The following CNGB3 variants were observed in gnomAD, a reference collection of about 807,000 sequenced individuals.
CNGB3 encodes cyclic nucleotide-gated channel beta-3.
Under a neutral mutation model 92.8 loss-of-function variants are expected in CNGB3, and 86 were observed. The ratio of observed to expected loss-of-function variants is 0.93; its 90% CI spans 0.78 to 1.11. CNGB3 has a LOEUF of 1.11. Ranked by LOEUF, CNGB3 falls within the 50% of genes least tolerant of loss-of-function variation. The probability of loss-of-function intolerance (pLI) is 0.00; values close to 1 mark genes in which losing one functional copy is unlikely to be tolerated. For synonymous variants in CNGB3, 333 were observed against 332.7 expected (o/e 1.00, Z -0.01); for missense variants, 1,026 against 956.8 (o/e 1.07, Z -0.95).
At chr8:86,634,072 G>A (rs1289257353) in intron 10 of CNGB3, among the ~76,000 whole-genome samples, 1 of 152,040 alleles carries the variant, frequency 6.6e-6, no homozygotes, top group East Asian at 1.9e-4. Context: ...GATAGGAACA[G>A]GATGAGAAAA....
intron 2 of CNGB3, among the ~76,000 whole-genome samples, chr8:86,731,926 T>C (rs1044398775): frequency 2.6e-5 from 4 of 152,192 alleles, no homozygotes; most frequent in Non-Finnish European, 5.9e-5. Context: ...AACTTCCATT[T>C]ACTTAACAGA....
intron 4 of CNGB3, among the ~76,000 whole-genome samples, chr8:86,668,470 G>A (rs1406867314): frequency 6.6e-6 from 1 of 151,970 alleles, no homozygotes; most frequent in East Asian, 1.9e-4. Flanking sequence ...ATGTATCCCA[G>A]AACTTAAAGT....
At chr8:86,677,199 T>A (rs1415770722) in intron 3 of CNGB3, among the ~76,000 whole-genome samples, 1 of 152,188 alleles carries the variant, frequency 6.6e-6, no homozygotes, top group Non-Finnish European at 1.5e-5. Context: ...CCTCCAGAAC[T>A]GCGAGAAAAT....
intron 13 of CNGB3, among the ~76,000 whole-genome samples, chr8:86,618,616 C>T (rs1306178329): frequency 1.3e-5 from 2 of 152,136 alleles, no homozygotes; most frequent in African/African-American, 4.8e-5. Flanking sequence ...AGGTCAACTG[C>T]TGAGGATGTA....
chr8:86,662,281 G>T (rs1448662139), intron 6 of CNGB3, among the ~76,000 whole-genome samples: 1 of 152,180 alleles, frequency 6.6e-6, no homozygotes, highest in East Asian at 1.9e-4. Flanking sequence ...ATTATTCAAA[G>T]AAATAAAATC....
chr8:86,702,591 G>C (rs1361413039), intron 3 of CNGB3, among the ~76,000 whole-genome samples: 1 of 152,062 alleles, frequency 6.6e-6, no homozygotes, highest in Non-Finnish European at 1.5e-5. Context: ...ATTAACATTT[G>C]AGAATGTTTA....
intron 9 of CNGB3, among the ~76,000 whole-genome samples, chr8:86,644,174 G>T (rs2131594589): frequency 6.6e-6 from 1 of 151,378 alleles, no homozygotes; most frequent in Non-Finnish European, 1.5e-5. Context: ...TTCAGTTTAA[G>T]TCCCATAAAA....
chr8:86,658,460 G>T, intron 6 of CNGB3: 1 of 409,588 alleles, frequency 2.4e-6, no homozygotes, highest in Non-Finnish European at 4.6e-6. Flanking sequence ...GCAACCCTTG[G>T]CAGGCCATCT....
intron 13 of CNGB3, among the ~76,000 whole-genome samples, chr8:86,619,145 G>T (rs1822675231): frequency 6.6e-6 from 1 of 152,150 alleles, no homozygotes; most frequent in African/African-American, 2.4e-5. Context: ...TACTGAACTG[G>T]GGGCTGTTTC....
chr8:86,733,830 C>T (rs1260890747), intron 2 of CNGB3, among the ~76,000 whole-genome samples: 1 of 152,158 alleles, frequency 6.6e-6, no homozygotes, highest in Admixed American at 6.5e-5. Context: ...TAAACATCCA[C>T]TACCTTTTCT....
intron 3 of CNGB3, among the ~76,000 whole-genome samples, chr8:86,706,438 G>A (rs748431510): frequency 3.3e-5 from 5 of 152,154 alleles, no homozygotes; most frequent in African/African-American, 1.2e-4. Flanking sequence ...TAAATGCATC[G>A]CTCATTAGTG....
intron 1 of CNGB3, 124 bp from the exon 2 acceptor site, chr8:86,739,860 T>A: frequency 8.7e-7 from 1 of 1,144,482 alleles, no homozygotes; most frequent in Non-Finnish European, 1.3e-6. Flanking sequence ...GTTTATGATG[T>A]ACTAAAAATG....
At chr8:86,596,470 C>G (rs889138510) in intron 15 of CNGB3, among the ~76,000 whole-genome samples, 2 of 152,108 alleles carry the variant, frequency 1.3e-5, no homozygotes, top group African/African-American at 4.8e-5. Context: ...TGAAAACTGA[C>G]AAAAAGGGCA....
chr8:86,725,315 T>C (rs1307144745), intron 3 of CNGB3, among the ~76,000 whole-genome samples: 1 of 152,168 alleles, frequency 6.6e-6, no homozygotes, highest in East Asian at 1.9e-4. Flanking sequence ...GCAAATGAAT[T>C]AACCTTTCAG....
intron 11 of CNGB3, among the ~76,000 whole-genome samples, chr8:86,630,517 G>A (rs1446173367): frequency 1.3e-5 from 2 of 152,086 alleles, no homozygotes; most frequent in African/African-American, 2.4e-5. Flanking sequence ...AGTATGAGAG[G>A]AAGAAAAATG....
chr8:86,632,227 A>G (rs1250386395), intron 11 of CNGB3, among the ~76,000 whole-genome samples: 1 of 149,986 alleles, frequency 6.7e-6, no homozygotes, highest in African/African-American at 2.5e-5. Flanking sequence ...AAAGGGCTCT[A>G]TCCTTTGTAA....
chr8:86,643,332 G>A (rs933177682), intron 10 of CNGB3, among the ~76,000 whole-genome samples: 3 of 151,318 alleles, frequency 2.0e-5, no homozygotes, highest in African/African-American at 7.3e-5. Flanking sequence ...TACAATACAT[G>A]TTTTGAAACT....
chr8:86,658,098 C>T (rs1464313943), intron 6 of CNGB3: 3 of 527,652 alleles, frequency 5.7e-6, no homozygotes, highest in Non-Finnish European at 1.1e-5. Context: ...GGTGGGCCTC[C>T]CCACACACAG....
chr8:86,723,615 C>G (rs1586037611), intron 3 of CNGB3, among the ~76,000 whole-genome samples: 1 of 152,234 alleles, frequency 6.6e-6, no homozygotes, highest in East Asian at 1.9e-4. Context: ...GTCAGTTCTA[C>G]ATGGTATTGA....
Sources: gnomAD v4.1 joint callset for allele counts (sites outside exome capture counted in the v4.1 genomes callset) on GRCh38, gnomAD v4.1.1 for gene constraint, MANE v1.5 for transcripts, NCBI Gene and HGNC (gene_info 2026-07-23, HGNC 2026-07-21) for gene names.